The following GRIK2 variants were observed in gnomAD, a reference collection of about 807,000 sequenced individuals.
The protein encoded by GRIK2 is glutamate ionotropic receptor kainate type subunit 2.
GRIK2 carries 32 observed loss-of-function variants against 100.3 expected under a neutral mutation model. That is an observed-to-expected ratio of 0.32 (90% CI 0.24 to 0.43). The LOEUF (loss-of-function observed/expected upper bound fraction) is 0.43. Among genes scored for constraint, GRIK2 ranks in the 20% least tolerant of loss-of-function variants. The pLI, the probability that GRIK2 is intolerant of heterozygous loss-of-function variation, is 1.00. For synonymous variants in GRIK2, 417 were observed against 389.4 expected (o/e 1.07, Z -0.83); for missense variants, 843 against 1,114.9 (o/e 0.76, Z 3.47).
intron 2 of GRIK2, among the ~76,000 whole-genome samples, chr6:101,445,020 T>G (rs886659185): frequency 5.3e-5 from 8 of 152,090 alleles, no homozygotes; most frequent in Non-Finnish European, 1.2e-4. Flanking sequence ...ATACCCAGTA[T>G]GTAACAGCAT....
At chr6:101,639,779 C>G (rs549506928) in intron 4 of GRIK2, among the ~76,000 whole-genome samples, 2 of 152,120 alleles carry the variant, frequency 1.3e-5, no homozygotes, top group Non-Finnish European at 2.9e-5. Flanking sequence ...AATTAAAACT[C>G]AAATTCTAGA....
intron 2 of GRIK2, among the ~76,000 whole-genome samples, chr6:101,585,538 C>A (rs1265944163): frequency 6.6e-6 from 1 of 151,938 alleles, no homozygotes; most frequent in Non-Finnish European, 1.5e-5. Flanking sequence ...AAAGGTAGCA[C>A]AACATAATGA....
rs977201679 is a variant in GRIK2, at chr6:101,795,390, A to C, written c.952-4258A>C. Among the ~76,000 whole-genome samples the C allele has an allele frequency of 2.0e-5, 3 of 152,250 alleles. No individual in the cohort carries two copies. The South Asian group carries it at 6.2e-4, about 32-fold the overall frequency. On this transcript the variant is annotated intron_variant, in intron 7 of 16. Transcript: ENST00000369134. ...AAATTTTACTGGGTGTAGGAGTGCC[A>C]GGTAGTTCAGTCCTGAGGCCCAGTG...
intron 7 of GRIK2, among the ~76,000 whole-genome samples, chr6:101,774,235 C>T (rs544594498): frequency 1.3e-5 from 2 of 152,040 alleles, no homozygotes; most frequent in South Asian, 2.1e-4. Flanking sequence ...CTGTTAACAC[C>T]GTAAAAATCT....
intron 13 of GRIK2, 120 bp downstream of exon 13, chr6:101,924,839 G>A (rs1321073458): frequency 6.1e-6 from 4 of 659,666 alleles, no homozygotes; most frequent in Non-Finnish European, 1.1e-5. Context: ...CCATAATCCA[G>A]CTTTTCCATC....
intron 4 of GRIK2, among the ~76,000 whole-genome samples, chr6:101,673,892 T>G (rs949394): frequency 0.8 from 121,310 of 152,112 alleles, 48,556 homozygotes; most frequent in Non-Finnish European, 0.82. Context: ...AATGGGCAAA[T>G]GACATGAAAA....
At chr6:101,418,713 T>C (rs1203093301) in intron 2 of GRIK2, among the ~76,000 whole-genome samples, 1 of 152,296 alleles carries the variant, frequency 6.6e-6, no homozygotes, top group East Asian at 1.9e-4. Context: ...TTACCCTGTT[T>C]GTTCCTTTCC....
intron 7 of GRIK2, among the ~76,000 whole-genome samples, chr6:101,777,617 TA>T (rs1778831144): frequency 6.6e-6 from 1 of 152,118 alleles, no homozygotes; most frequent in African/African-American, 2.4e-5. Flanking sequence ...TTTTCTTTAG[TA>T]AAAAGGTCAA....
chr6:101,517,522 A>AT (rs59430297), intron 2 of GRIK2, among the ~76,000 whole-genome samples: 39,901 of 151,424 alleles, frequency 0.26, 6,818 homozygotes, highest in African/African-American at 0.47. Flanking sequence ...GAGATAATTA[A>AT]TTTTTTTTTA....
intron 2 of GRIK2, among the ~76,000 whole-genome samples, chr6:101,510,201 A>G (rs971918549): frequency 6.6e-6 from 1 of 152,200 alleles, no homozygotes; most frequent in Admixed American, 6.5e-5. Flanking sequence ...TGTCCATAAA[A>G]AGTGGCTTTT....
At position 101,792,697 on chromosome 6, in the gene GRIK2, C is replaced by G. The variant is rs1308315521; in HGVS notation, c.952-6951C>G. Among the ~76,000 whole-genome samples, 7 of 152,174 alleles carry G rather than the reference C, an allele frequency of 4.6e-5. 2 individuals are homozygous for G. Among genetic ancestry groups the G allele is most frequent in the African/African-American group, 1.7e-4 (7 of 41,502 alleles). On this transcript the variant is annotated intron_variant, in intron 7 of 16. Coordinates refer to ENST00000369134, the MANE Select transcript of GRIK2 (RefSeq NM_021956.5). Reference sequence around the variant, plus strand: ...GACAATTATGTGTCTTGGAGTTGCTCTTCTCGAGGAGTATCTTTGTGGTGT... The same window carrying G: ...GACAATTATGTGTCTTGGAGTTGCTGTTCTCGAGGAGTATCTTTGTGGTGT...
intron 14 of GRIK2, among the ~76,000 whole-genome samples, chr6:101,989,216 T>A (rs9386300): frequency 0.37 from 55,853 of 151,690 alleles, 10,925 homozygotes; most frequent in South Asian, 0.47. Flanking sequence ...TATGCATATT[T>A]ACTATTGAAA....
chr6:101,565,915 T>TTTTATATATA (rs1484860305), intron 2 of GRIK2, among the ~76,000 whole-genome samples: 3 of 123,336 alleles, frequency 2.4e-5, no homozygotes, highest in African/African-American at 1.0e-4. Flanking sequence ...TATACCTATT[T>TTTTATATATA]TATATATATA....
chr6:101,488,941 C>T (rs1321498013), intron 2 of GRIK2, among the ~76,000 whole-genome samples: 2 of 145,560 alleles, frequency 1.4e-5, no homozygotes, highest in East Asian at 1.9e-4. Flanking sequence ...GCAAGAGAAG[C>T]GGCATAGTGT....
intron 2 of GRIK2, among the ~76,000 whole-genome samples, chr6:101,602,922 T>C (rs1303430501): frequency 6.6e-6 from 1 of 151,676 alleles, no homozygotes; most frequent in African/African-American, 2.4e-5. Context: ...ACAGAATTGT[T>C]TTTTGGAACA....
chr6:101,623,287 G>A (rs1189260149), intron 3 of GRIK2, among the ~76,000 whole-genome samples: 2 of 152,090 alleles, frequency 1.3e-5, no homozygotes, highest in East Asian at 3.9e-4. Flanking sequence ...TACTTTGCAT[G>A]CCCTTTGAAT....
At chr6:101,566,792 A>G (rs1388220067) in intron 2 of GRIK2, among the ~76,000 whole-genome samples, 1 of 149,836 alleles carries the variant, frequency 6.7e-6, no homozygotes, top group Non-Finnish European at 1.5e-5. Flanking sequence ...CCTATTATAT[A>G]TAATATAAAT....
intron 12 of GRIK2, among the ~76,000 whole-genome samples, chr6:101,916,824 G>A (rs1789142393): frequency 6.6e-6 from 1 of 151,662 alleles, no homozygotes; most frequent in Admixed American, 6.6e-5. Context: ...TTCATTATAT[G>A]TAACATTTTC....
At chr6:101,633,736 C>CA (rs1456398021) in intron 4 of GRIK2, among the ~76,000 whole-genome samples, 1 of 152,090 alleles carries the variant, frequency 6.6e-6, no homozygotes, top group African/African-American at 2.4e-5. Flanking sequence ...TGTTTCTCTA[C>CA]AAATACACAT....
Sources: allele counts gnomAD v4.1 joint callset (sites outside exome capture counted in the v4.1 genomes callset), GRCh38; gene constraint gnomAD v4.1.1; transcripts MANE v1.5; gene names NCBI Gene and HGNC (gene_info 2026-07-23, HGNC 2026-07-21).